POSTN: variants seen among roughly 807,000 people sequenced by gnomAD.
POSTN encodes the protein osteoblast specific factor 2 (fasciclin I-like).
A neutral mutation model predicts 104.5 loss-of-function variants in POSTN; 71 were observed. The observed-to-expected ratio is 0.68, with a 90% CI of 0.56 to 0.83. The LOEUF is 0.83. Among genes scored for constraint, POSTN ranks in the 40% least tolerant of loss-of-function variants. The pLI is 0.00. For synonymous variants in POSTN, 355 were observed against 340.7 expected (o/e 1.04, Z -0.46); for missense variants, 949 against 1,006.8 (o/e 0.94, Z 0.78).
chr13:37,579,436 G>T, intron 12 of POSTN, 77 bp from the exon 13 acceptor site: 1 of 1,175,560 alleles, frequency 8.5e-7, no homozygotes, highest in Non-Finnish European at 1.2e-6. Flanking sequence ...ACACTTATTA[G>T]TCTTTATCTT....
In POSTN at chr13:37,570,646, T is replaced by C. The variant is rs1183741099; in HGVS notation, c.2203A>G (p.Lys735Glu). Residue 735 changes from lysine (K) to glutamate (E), a missense_variant, in exon 19 of 23, where the codon AAA (lysine) becomes GAA (glutamate). Coordinates refer to ENST00000379747, the MANE Select transcript of POSTN (RefSeq NM_006475.3). ...HGEPIIKKYT[K>E]IIDGVPVEIT... ...TCCACAGGCACTCCATCAATGATTTTGGTGTATTTTTTAATAATTGGCTCT... is the reference window on the plus strand; with the variant it reads ...TCCACAGGCACTCCATCAATGATTTCGGTGTATTTTTTAATAATTGGCTCT... 1.2e-6 allele frequency: 2 copies of C among 1,607,974 alleles called. No individual in the cohort carries two copies. Among genetic ancestry groups the C allele is most frequent in the South Asian group, 1.1e-5 (1 of 90,882 alleles).
At chr13:37,597,037 C>A (rs541789304) in intron 2 of POSTN, 147 bp downstream of exon 2, 6 of 505,538 alleles carry the variant, frequency 1.2e-5, no homozygotes, top group Non-Finnish European at 2.0e-5. Context: ...TCTTTATTCA[C>A]GTATGTATTC....
chr13:37,579,316 T>TGTC lies in POSTN; in HGVS notation c.1701_1703dup (p.Thr568dup), dbSNP rs1375450776. The TGTC allele has an allele frequency of 6.3e-7, 1 of 1,596,396 alleles. No homozygotes were observed. Among genetic ancestry groups the TGTC allele is most frequent in the East Asian group, 2.2e-5 (1 of 44,646 alleles). On this transcript the variant is annotated inframe_insertion, in exon 13 of 23. Transcript: ENST00000379747. ...ATCCTTTTCCAATGAAAACTCCTGG[T>TGTC]GTCAGGTGATAAAGAATGATGTTTT...
Position 37,574,668 on chromosome 13 carries a change from GT to G in POSTN, c.2009-17del. On this transcript the variant is annotated splice_polypyrimidine_tract_variant and intron_variant, in intron 16 of 22. Transcript: ENST00000379747. ...ATTTTAGTTGCTGAAAGTATAGAAA[GT>G]GGAACATGAAAAATATTTACATAAA... The G allele has an allele frequency of 2.6e-6, 4 of 1,562,978 alleles. No individual in the cohort carries two copies. Among genetic ancestry groups the G allele is most frequent in the Non-Finnish European group, 3.4e-6 (4 of 1,163,586 alleles).
At chr13:37,587,267 T>A (rs1031109906) in intron 5 of POSTN, among the ~76,000 whole-genome samples, 3 of 152,128 alleles carry the variant, frequency 2.0e-5, no homozygotes, top group African/African-American at 7.2e-5. Flanking sequence ...GGTAAAGAAG[T>A]CTAATCAGTC....
chr13:37,587,814 A>T lies in POSTN; in HGVS notation c.606+8T>A, dbSNP rs368022563. The T allele has an allele frequency of 3.0e-5, 46 of 1,557,596 alleles. No individual in the cohort carries two copies. The South Asian group carries it at 3.8e-4, about 13-fold the overall frequency. On this transcript the variant is annotated splice_region_variant and intron_variant, in intron 5 of 22. Transcript: ENST00000379747. ...TTCATAAGTGTACTTTTTACTGATA[A>T]AACTTACCCCATTAGGATAATGGTT...
At chr13:37,585,054 C>G in intron 7 of POSTN, 126 bp from the exon 8 acceptor site, 6 of 1,416,234 alleles carry the variant, frequency 4.2e-6, no homozygotes, top group Non-Finnish European at 5.6e-6. Context: ...GATTCACTAA[C>G]AGCTTTAAAA....
chr13:37,591,941 A>G (rs1950946993), intron 3 of POSTN, among the ~76,000 whole-genome samples, 159 bp downstream of exon 3: 1 of 152,172 alleles, frequency 6.6e-6, no homozygotes, highest in African/African-American at 2.4e-5. Context: ...CTTATATTTT[A>G]TCATTCATAA....
At position 37,562,671 on chromosome 13, in the gene POSTN, A is replaced by T. The variant is rs1255742180; in HGVS notation, c.*662T>A. ...CAAGTCCAAACCACTTTTTAACTTA[A>T]ATCTTGAGTTTTTCTGAATTACTCA... On this transcript the variant is annotated 3_prime_UTR_variant, in exon 23 of 23. Transcript: ENST00000379747. The T allele has an allele frequency of 6.6e-6, 1 of 152,204 alleles. No homozygotes were observed. The highest frequency in any genetic ancestry group is 1.9e-4 in the East Asian group (1 of 5,202). 9.4% of individuals were successfully genotyped at this position (152,204 alleles called of 1,614,324 possible). A position where few individuals can be genotyped will look rare whatever the true frequency, so the allele number is the denominator to read the frequency against.
chr13:37,576,508 T>C (rs1488312002), intron 16 of POSTN, among the ~76,000 whole-genome samples: 1 of 152,074 alleles, frequency 6.6e-6, no homozygotes, highest in African/African-American at 2.4e-5. Flanking sequence ...TTTTTGCTCA[T>C]TGTAATCAAG....
chr13:37,568,095 G>A (rs1017413032), intron 21 of POSTN, among the ~76,000 whole-genome samples: 3 of 151,968 alleles, frequency 2.0e-5, no homozygotes, highest in Non-Finnish European at 4.4e-5. Flanking sequence ...AGACAGTTGA[G>A]CATTTAGGGG....
In POSTN at chr13:37,584,096, T is replaced by C. The variant is rs904762716; in HGVS notation, c.1116A>G (p.Gln372=). The C allele has an allele frequency of 1.2e-6, 2 of 1,613,584 alleles. No individual in the cohort carries two copies. Among genetic ancestry groups the C allele is most frequent in the Non-Finnish European group, 1.7e-6 (2 of 1,179,840 alleles). ...DQVLIPDSAK[Q]VIELAGKQQT... Reference sequence around the variant, plus strand: ...GCTGTTTTCCAGCCAGCTCAATAACTTGTTTGGCTGAAAAATAAACCATCA... The same window carrying C: ...GCTGTTTTCCAGCCAGCTCAATAACCTGTTTGGCTGAAAAATAAACCATCA... The change falls in exon 9 of 23, where the codon CAA becomes CAG. Residue 372 remains glutamine (Q), a synonymous_variant. Coordinates refer to ENST00000379747, the MANE Select transcript of POSTN (RefSeq NM_006475.3).
chr13:37,580,603 T>C lies in POSTN; in HGVS notation c.1487A>G (p.Glu496Gly), dbSNP rs1566022167. The C allele has an allele frequency of 6.2e-7, 1 of 1,614,188 alleles. No homozygotes were observed. Among genetic ancestry groups the C allele is most frequent in the Admixed American group, 1.7e-5 (1 of 60,018 alleles). The change falls in exon 11 of 23, where the codon GAG becomes GGG. Residue 496 changes from glutamate (E) to glycine (G), a missense_variant. Physicochemically the swap from Glu to Gly is moderately conservative, Grantham distance 98. Transcript: ENST00000379747. ...HIFREIIKPA[E>G]KSLHEKLKQD... The stretch of plus-strand genomic sequence containing the variant: ...TTTTAACTTTTCATGGAGGGATTTC[T>C]CTGCTGGCTTGATGATCTCGCGGAA...
At chr13:37,583,142 G>A (rs1357446421) in intron 9 of POSTN, among the ~76,000 whole-genome samples, 1 of 152,066 alleles carries the variant, frequency 6.6e-6, no homozygotes, top group Non-Finnish European at 1.5e-5. Flanking sequence ...GAGAAAGGTC[G>A]AAGGTTGCAT....
At chr13:37,564,176 C>A (rs1950010506) in intron 22 of POSTN, among the ~76,000 whole-genome samples, 1 of 56,108 alleles carries the variant, frequency 1.8e-5, no homozygotes, top group Admixed American at 2.7e-4. Context: ...ATATACAAAA[C>A]ATTACATATA....
chr13:37,580,720 G>C, intron 10 of POSTN, 23 bp from the exon 11 acceptor site: 1 of 1,613,278 alleles, frequency 6.2e-7, no homozygotes, highest in Admixed American at 1.7e-5. Flanking sequence ...AGAAAGGTAT[G>C]GGGTGTCATT....
At chr13:37,573,035 A>G (rs1422313971) in intron 17 of POSTN, among the ~76,000 whole-genome samples, 2 of 151,580 alleles carry the variant, frequency 1.3e-5, no homozygotes, top group African/African-American at 4.8e-5. Flanking sequence ...CGCCAGTATG[A>G]TCTTAACTGA....
chr13:37,580,978 A>C (rs1453041860), intron 10 of POSTN, among the ~76,000 whole-genome samples: 1 of 152,088 alleles, frequency 6.6e-6, no homozygotes, highest in Non-Finnish European at 1.5e-5. Context: ...CCACTTCTAC[A>C]TTTTTTATAA....
At position 37,584,753 on chromosome 13, in the gene POSTN, C is replaced by A. The variant is rs767148041; in HGVS notation, c.1071G>T (p.Val357=). ...NKKDIVTNNG[V]IHLIDQVLIP... is the part of the protein sequence containing the mutation. ...TTAGGACCTGATCAATCAAATGGAT[C>A]ACACCATTATTTGTCACAATATCCT... is the stretch of plus-strand genomic sequence containing the variant. Residue 357 remains valine (V), a synonymous_variant, in exon 8 of 23, where the codon GTG becomes GTT. Transcript: ENST00000379747. 2.5e-6 allele frequency: 4 copies of A among 1,613,856 alleles called. No individual in the cohort carries two copies. Among genetic ancestry groups the A allele is most frequent in the Non-Finnish European group, 3.4e-6 (4 of 1,179,870 alleles).
Sources: gnomAD v4.1 joint callset for allele counts (sites outside exome capture counted in the v4.1 genomes callset) on GRCh38, gnomAD v4.1.1 for gene constraint, MANE v1.5 for transcripts, NCBI Gene and HGNC (gene_info 2026-07-23, HGNC 2026-07-21) for gene names.